Variants in RBMS3 observed in about 807,000 individuals in gnomAD.
The protein encoded by RBMS3 is RNA-binding motif, single-stranded-interacting protein 3.
A neutral mutation model predicts 66.8 loss-of-function variants in RBMS3; 27 were observed. That is an observed-to-expected ratio of 0.40 (90% CI 0.30 to 0.56). The LOEUF is 0.56. RBMS3 is among the 20% of genes least tolerant of loss of function. The probability of loss-of-function intolerance (pLI) is 0.40; values close to 1 mark genes in which losing one functional copy is unlikely to be tolerated. For missense variants in RBMS3, 513 were observed against 549.5 expected (o/e 0.93, Z 0.66); for synonymous variants, 188 against 183.0 (o/e 1.03, Z -0.22).
Position 29,739,856 on chromosome 3 carries a change from G to C in RBMS3, c.536G>C (p.Ser179Thr). Residue 179 changes from serine (S) to threonine (T), a missense_variant, in exon 5 of 15, where the codon AGC becomes ACC. Ser to Thr is a moderately conservative substitution (Grantham distance 58). Coordinates refer to ENST00000383767, the MANE Select transcript of RBMS3 (RefSeq NM_001003793.3). ...ATACTAAGAGACGCTAATGGAGTCA[G>C]CAGAGGTGTTGGCTTTGCCAGGTAA... ...TRILRDANGV[S>T]RGVGFARMES... is the part of the protein sequence containing the mutation. 6.3e-7 allele frequency: 1 copy of C among 1,596,724 alleles called. No individual in the cohort carries two copies. Among genetic ancestry groups the C allele is most frequent in the Non-Finnish European group, 8.5e-7 (1 of 1,173,546 alleles).
In RBMS3 at chr3:29,924,366, G is replaced by A. The variant is rs111417665; in HGVS notation, c.940-11720G>A. Among the ~76,000 whole-genome samples the A allele has an allele frequency of 1.9e-4, 29 of 152,184 alleles. 2 individuals carry two copies. Among genetic ancestry groups the A allele is most frequent in the African/African-American group, 6.7e-4 (28 of 41,512 alleles). ...AAGGGTGTAGGAAATGTTTTTAGAA[G>A]GGTTTTCTTTTCTTTTTTCTTTTTT... is the stretch of plus-strand genomic sequence containing the variant. On this transcript the variant is annotated intron_variant, in intron 10 of 14. Coordinates refer to ENST00000383767, the MANE Select transcript of RBMS3 (RefSeq NM_001003793.3).
rs137882270 is a variant in RBMS3 at position 29,876,844 on chromosome 3, T to C, written c.745-7318T>C. 3.1e-3 allele frequency among the ~76,000 whole-genome samples: 464 copies of C among 149,350 alleles called. 3 individuals are homozygous for C. Among genetic ancestry groups the C allele is most frequent in the African/African-American group, 0.011 (448 of 40,304 alleles). ...AAGTCTAGAGGTGAAAAAAAAAAGA[T>C]GTGGAGACCAACAGGTACAAAGGCA... is the stretch of plus-strand genomic sequence containing the variant. On this transcript the variant is annotated intron_variant, in intron 7 of 14. Transcript: ENST00000383767.
At chr3:29,869,852 C>T (rs1458018129) in intron 7 of RBMS3, among the ~76,000 whole-genome samples, 1 of 152,162 alleles carries the variant, frequency 6.6e-6, no homozygotes, top group African/African-American at 2.4e-5. Flanking sequence ...ATCCATTTAT[C>T]ATTTAAGAAG....
intron 3 of RBMS3, among the ~76,000 whole-genome samples, chr3:29,502,549 C>A (rs3773042): frequency 3.3e-5 from 5 of 151,948 alleles, no homozygotes; most frequent in Admixed American, 6.6e-5. Context: ...TAAACAGTAT[C>A]GATTAGGGGT....
chr3:29,707,055 A>AT (rs1400158770), intron 4 of RBMS3, among the ~76,000 whole-genome samples: 4 of 152,198 alleles, frequency 2.6e-5, no homozygotes. Context: ...GGGTCTATAC[A>AT]TTAATTGTCT....
At chr3:29,910,314 A>T (rs778111450) in intron 10 of RBMS3, among the ~76,000 whole-genome samples, 6 of 152,044 alleles carry the variant, frequency 3.9e-5, no homozygotes, top group Non-Finnish European at 8.8e-5. Flanking sequence ...TCACTGAAGG[A>T]TTTAGGATGA....
chr3:29,313,195 C>T (rs2034483040), intron 1 of RBMS3, among the ~76,000 whole-genome samples: 2 of 151,716 alleles, frequency 1.3e-5, no homozygotes, highest in South Asian at 4.1e-4. Flanking sequence ...AGGGTGGTCC[C>T]ACAAATCAAA....
At chr3:29,789,244 A>G (rs2056923676) in intron 6 of RBMS3, among the ~76,000 whole-genome samples, 2 of 152,238 alleles carry the variant, frequency 1.3e-5, no homozygotes, top group South Asian at 4.1e-4. Context: ...ATGAATGGTG[A>G]TAGACGTATT....
At chr3:29,996,703 AT>A (rs1699268706) in intron 14 of RBMS3, among the ~76,000 whole-genome samples, 1 of 152,194 alleles carries the variant, frequency 6.6e-6, no homozygotes, top group Non-Finnish European at 1.5e-5. Flanking sequence ...AGAAATAAAG[AT>A]GTTCTTTGAA....
In RBMS3 at chr3:29,391,969, G is replaced by A. The variant is rs969348185; in HGVS notation, c.76-42774G>A. 2.6e-5 allele frequency among the ~76,000 whole-genome samples: 4 copies of A among 152,228 alleles called. No homozygotes were observed. In the East Asian group the frequency reaches 5.8e-4, roughly 22 times the overall value. The stretch of plus-strand genomic sequence containing the variant: ...AAAGTTAAATTAAGAAAACGTAGAG[G>A]CCTGGCATGGTGGCTCACGCCTGTA... On this transcript the variant is annotated intron_variant, in intron 1 of 14. Transcript: ENST00000383767.
chr3:29,974,203 C>T (rs534120882), intron 12 of RBMS3, among the ~76,000 whole-genome samples: 1 of 152,016 alleles, frequency 6.6e-6, no homozygotes, highest in Non-Finnish European at 1.5e-5. Context: ...ATTCACTCTC[C>T]TGCTCTTCAA....
chr3:29,532,373 A>T (rs2045398336), intron 3 of RBMS3, among the ~76,000 whole-genome samples: 1 of 151,112 alleles, frequency 6.6e-6, no homozygotes, highest in Non-Finnish European at 1.5e-5. Context: ...TTTTCAACAT[A>T]CATTTCTTAG....
At position 30,005,720 on chromosome 3, in the gene RBMS3, G is replaced by T. The variant is rs1285502553; in HGVS notation, c.*1858G>T. ...GTTTTCACTGTATTTTTGTATATTG[G>T]TGTTGCCGAAAGAACTTTTTCTTTC... is the stretch of plus-strand genomic sequence containing the variant. On this transcript the variant is annotated 3_prime_UTR_variant, in exon 15 of 15. Transcript: ENST00000383767. 2 of 151,758 alleles carry T rather than the reference G, an allele frequency of 1.3e-5. No homozygotes were observed. The highest frequency in any genetic ancestry group is 4.8e-5 in the African/African-American group (2 of 41,380). 9.4% of individuals were successfully genotyped at this position (151,758 alleles called of 1,614,324 possible).
At chr3:29,515,020 T>G (rs941130615) in intron 3 of RBMS3, among the ~76,000 whole-genome samples, 2 of 152,032 alleles carry the variant, frequency 1.3e-5, no homozygotes, top group Non-Finnish European at 2.9e-5. Context: ...GCTTCCAAAG[T>G]CACAGAGCCT....
At chr3:29,809,124 CTT>C (rs1218775255) in intron 6 of RBMS3, among the ~76,000 whole-genome samples, 1 of 151,768 alleles carries the variant, frequency 6.6e-6, no homozygotes, top group East Asian at 1.9e-4. Flanking sequence ...CAAAATAAAA[CTT>C]AAATCACAAA....
At chr3:29,976,174 C>T (rs183293820) in intron 12 of RBMS3, among the ~76,000 whole-genome samples, 246 of 151,996 alleles carry the variant, frequency 1.6e-3, no homozygotes, top group Non-Finnish European at 2.9e-3. Context: ...CCCTCACTCC[C>T]GAATACAATA....
chr3:29,932,599 T>C lies in RBMS3; in HGVS notation c.940-3487T>C, dbSNP rs191355695. On this transcript the variant is annotated intron_variant, in intron 10 of 14. Coordinates refer to ENST00000383767, the MANE Select transcript of RBMS3 (RefSeq NM_001003793.3). ...ATGCAGCTAGTTCTTCTTATTGTGGTTCATCTTCTGGGATTAATATAGGTG... is the reference window on the plus strand; with the variant it reads ...ATGCAGCTAGTTCTTCTTATTGTGGCTCATCTTCTGGGATTAATATAGGTG... 6.9e-4 allele frequency among the ~76,000 whole-genome samples: 105 copies of C among 152,322 alleles called. 1 individual carries two copies. The highest frequency in any genetic ancestry group is 6.9e-3 in the Admixed American group (105 of 15,302).
intron 1 of RBMS3, among the ~76,000 whole-genome samples, chr3:29,336,540 G>A (rs146251211): frequency 3.9e-5 from 6 of 152,006 alleles, no homozygotes; most frequent in Non-Finnish European, 7.4e-5. Context: ...ACTTTATTGC[G>A]GAACGAAAGG....
intron 4 of RBMS3, among the ~76,000 whole-genome samples, chr3:29,654,389 G>T (rs545825553): frequency 6.6e-6 from 1 of 152,090 alleles, no homozygotes; most frequent in South Asian, 2.1e-4. Context: ...CTATCAAATT[G>T]GAGCCTATAA....
Sources: allele counts gnomAD v4.1 joint callset (sites outside exome capture counted in the v4.1 genomes callset), GRCh38; gene constraint gnomAD v4.1.1; transcripts MANE v1.5; gene names NCBI Gene and HGNC (gene_info 2026-07-23, HGNC 2026-07-21).